FRMD4A: variants seen among roughly 807,000 people sequenced by gnomAD.
The protein encoded by FRMD4A is FERM domain containing 4A.
A neutral mutation model predicts 129.1 loss-of-function variants in FRMD4A; 29 were observed. That is an observed-to-expected ratio of 0.22 (90% CI 0.17 to 0.31). The LOEUF (loss-of-function observed/expected upper bound fraction) is 0.31, where lower values mean the gene tolerates loss of function less well. FRMD4A is among the 10% of genes least tolerant of loss of function. FRMD4A has a pLI of 1.00. For missense variants in FRMD4A, 1,272 were observed against 1,375.8 expected (o/e 0.92, Z 1.19); for synonymous variants, 634 against 571.6 (o/e 1.11, Z -1.56).
chr10:13,947,608 GCACACACA>G (rs147781803), intron 2 of FRMD4A, among the ~76,000 whole-genome samples: 2 of 148,558 alleles, frequency 1.3e-5, no homozygotes, highest in East Asian at 2.0e-4. Context: ...ACACACACGT[GCACACACA>G]CACACACACA....
At chr10:14,023,177 T>C (rs969978895) in intron 2 of FRMD4A, among the ~76,000 whole-genome samples, 9 of 152,188 alleles carry the variant, frequency 5.9e-5, no homozygotes, top group African/African-American at 2.2e-4. Context: ...CTCTCCCTTC[T>C]GGACGCATTC....
intron 2 of FRMD4A, among the ~76,000 whole-genome samples, chr10:14,244,786 C>T (rs981187810): frequency 6.6e-6 from 1 of 152,170 alleles, no homozygotes; most frequent in Non-Finnish European, 1.5e-5. Context: ...AATACAAATT[C>T]GTCTGACTCC....
intron 24 of FRMD4A, 50 bp downstream of exon 24, chr10:13,651,853 G>T: frequency 2.3e-6 from 2 of 888,612 alleles, no homozygotes; most frequent in South Asian, 1.3e-5. Context: ...AGCAACACAT[G>T]TGGGACCACA....
At chr10:14,056,712 G>C (rs17154532) in intron 2 of FRMD4A, among the ~76,000 whole-genome samples, 7,652 of 152,190 alleles carry the variant, frequency 0.05, 325 homozygotes, top group East Asian at 0.13. Context: ...TCATCTTTCA[G>C]CCTATGGAGA....
In FRMD4A at chr10:14,202,620, C is replaced by T. The variant is rs570235968; in HGVS notation, c.45+127438G>A. On this transcript the variant is annotated intron_variant, in intron 2 of 24. Transcript: ENST00000357447. ...TTCACCATATTGGCCAGGCTGGTCTCGAACTCCTGACCTCAAGTGATCTGC... is the reference window on the plus strand; with the variant it reads ...TTCACCATATTGGCCAGGCTGGTCTTGAACTCCTGACCTCAAGTGATCTGC... 1.6e-4 allele frequency among the ~76,000 whole-genome samples: 25 copies of T among 152,062 alleles called. No homozygotes were observed. In the South Asian group the frequency reaches 4.8e-3, roughly 29 times the overall value.
chr10:13,898,898 G>C (rs568004832), intron 2 of FRMD4A, among the ~76,000 whole-genome samples: 2 of 152,232 alleles, frequency 1.3e-5, no homozygotes, highest in East Asian at 3.9e-4. Flanking sequence ...AAATGAGCCT[G>C]GGAGCTGGGC....
chr10:13,718,377 C>A (rs942127463), intron 12 of FRMD4A, among the ~76,000 whole-genome samples: 4 of 152,266 alleles, frequency 2.6e-5, no homozygotes, highest in African/African-American at 7.2e-5. Context: ...AGGCGGTGGG[C>A]CTGCCCCGCT....
intron 2 of FRMD4A, among the ~76,000 whole-genome samples, chr10:14,010,022 G>A (rs546948089): frequency 6.6e-6 from 1 of 152,262 alleles, no homozygotes; most frequent in East Asian, 1.9e-4. Flanking sequence ...TGCACTTGAC[G>A]TTGTAACGGT....
At chr10:14,124,337 CCTG>C (rs1838707375) in intron 2 of FRMD4A, among the ~76,000 whole-genome samples, 1 of 152,162 alleles carries the variant, frequency 6.6e-6, no homozygotes, top group African/African-American at 2.4e-5. Flanking sequence ...CTGCAGGATA[CCTG>C]CTATTACCCC....
intron 2 of FRMD4A, chr10:13,972,306 G>A: frequency 1.5e-5 from 15 of 986,688 alleles, no homozygotes; most frequent in Non-Finnish European, 1.8e-5. Context: ...TTACAACTTG[G>A]AGAACCCATG....
chr10:14,085,389 G>A (rs554152543), intron 2 of FRMD4A, among the ~76,000 whole-genome samples: 5 of 152,326 alleles, frequency 3.3e-5, no homozygotes, highest in South Asian at 2.1e-4. Flanking sequence ...CCAGCAGGAC[G>A]TTGGCTTTCA....
Position 14,014,117 on chromosome 10 carries a change from C to G in FRMD4A, c.46-155205G>C, listed in dbSNP as rs560870678. On this transcript the variant is annotated intron_variant, in intron 2 of 24. Transcript: ENST00000357447. ...AAGGATTTGGAGGTGGAGACACACA[C>G]CCATGGTTCCCACTGCAGCCATCAC... 4.5e-3 allele frequency among the ~76,000 whole-genome samples: 687 copies of G among 152,196 alleles called. 5 individuals are homozygous for G. Among genetic ancestry groups the G allele is most frequent in the Non-Finnish European group, 6.0e-3 (405 of 68,010 alleles).
At chr10:13,856,438 G>A (rs1469626460) in intron 3 of FRMD4A, among the ~76,000 whole-genome samples, 6 of 152,122 alleles carry the variant, frequency 3.9e-5, no homozygotes, top group Non-Finnish European at 8.8e-5. Flanking sequence ...CACAGATCTA[G>A]CCCTCAAACT....
At chr10:13,791,965 G>A (rs1324436101) in intron 5 of FRMD4A, among the ~76,000 whole-genome samples, 2 of 152,216 alleles carry the variant, frequency 1.3e-5, no homozygotes, top group Admixed American at 6.5e-5. Context: ...TCTCAAGTGA[G>A]ACCAACAGCA....
intron 2 of FRMD4A, among the ~76,000 whole-genome samples, chr10:14,049,771 C>T (rs1834171374): frequency 6.6e-6 from 1 of 152,212 alleles, no homozygotes; most frequent in Non-Finnish European, 1.5e-5. Context: ...AGGAGAATCG[C>T]TTGAACCGTG....
chr10:14,128,001 TTTCTTTCTTTC>T (rs1838988046), intron 2 of FRMD4A, among the ~76,000 whole-genome samples: 1 of 68,262 alleles, frequency 1.5e-5, no homozygotes, highest in Non-Finnish European at 2.8e-5. Context: ...TCTCTCTCTC[TTTCTTTCTTTC>T]TTCCTTCCTT....
intron 12 of FRMD4A, among the ~76,000 whole-genome samples, chr10:13,730,466 G>T (rs1047349842): frequency 6.6e-6 from 1 of 152,124 alleles, no homozygotes; most frequent in African/African-American, 2.4e-5. Context: ...ACAGCTGGCA[G>T]TTTTTTCTTT....
intron 2 of FRMD4A, among the ~76,000 whole-genome samples, chr10:14,281,377 T>C (rs1845515804): frequency 6.6e-6 from 1 of 152,270 alleles, no homozygotes; most frequent in Non-Finnish European, 1.5e-5. Flanking sequence ...CAGCCATCAA[T>C]TGGGTTGGTG....
chr10:14,108,069 T>A (rs1198899690), intron 2 of FRMD4A, among the ~76,000 whole-genome samples: 1 of 152,180 alleles, frequency 6.6e-6, no homozygotes, highest in Non-Finnish European at 1.5e-5. Context: ...CCACCAGCAA[T>A]CTCTGCAAGT....
Sources: gnomAD v4.1 joint callset for allele counts (sites outside exome capture counted in the v4.1 genomes callset) on GRCh38, gnomAD v4.1.1 for gene constraint, MANE v1.5 for transcripts, NCBI Gene and HGNC (gene_info 2026-07-23, HGNC 2026-07-21) for gene names.